Variants in ZNF83 observed in about 807,000 individuals in gnomAD.
The protein encoded by ZNF83 is zinc finger protein 816B.
For missense variants in ZNF83, 552 were observed against 629.9 expected, an observed-to-expected ratio of 0.88 and a Z score of 1.32; for synonymous variants, 209 against 213.0, an observed-to-expected ratio of 0.98 and a Z score of 0.17.
At chr19:52,650,116 G>A (rs1407005946) in intron 3 of ZNF83, among the ~76,000 whole-genome samples, 1 of 152,076 alleles carries the variant, frequency 6.6e-6, no homozygotes, top group Non-Finnish European at 1.5e-5. Flanking sequence ...AATGTCCTGA[G>A]TGGAGAAAGG....
chr19:52,667,638 G>C (rs979288802), intron 1 of ZNF83, among the ~76,000 whole-genome samples: 2 of 152,162 alleles, frequency 1.3e-5, no homozygotes, highest in Admixed American at 6.5e-5. Flanking sequence ...AGGAAATTCT[G>C]TGTGTAAACA....
chr19:52,641,570 GTTCTT>G (rs779778352), upstream of ZNF83, among the ~76,000 whole-genome samples: 5 of 152,062 alleles, frequency 3.3e-5, no homozygotes, highest in East Asian at 1.9e-4. Flanking sequence ...ATTACACTTA[GTTCTT>G]TTCTTTTCTT....
intron 1 of ZNF83, chr19:52,660,862 T>A (rs993082899): frequency 3.3e-5 from 5 of 153,536 alleles, no homozygotes; most frequent in Non-Finnish European, 5.8e-5. Flanking sequence ...GAAAAAAATA[T>A]GATATTTAAT....
At chr19:52,678,147 T>C (rs183123333) in intron 1 of ZNF83, among the ~76,000 whole-genome samples, 123 of 151,952 alleles carry the variant, frequency 8.1e-4, no homozygotes, top group African/African-American at 2.8e-3. Flanking sequence ...ACTAAAATGG[T>C]TGCATATGAA....
At chr19:52,614,302 A>G (rs1274894796) in exon 3 of ZNF83, 2 of 1,613,872 alleles carry the variant, frequency 1.2e-6, no homozygotes, top group South Asian at 1.1e-5. Context: ...TTCTGTCCCA[A>G]TATTTGCTTT....
chr19:52,672,652 T>G (rs2061742394), intron 1 of ZNF83, among the ~76,000 whole-genome samples: 1 of 152,182 alleles, frequency 6.6e-6, no homozygotes, highest in Admixed American at 6.5e-5. Flanking sequence ...TAGGCTGGGG[T>G]GCAATGGCAC....
intron 2 of ZNF83, among the ~76,000 whole-genome samples, chr19:52,627,634 G>C (rs2060793116): frequency 6.6e-6 from 1 of 152,128 alleles, no homozygotes; most frequent in Non-Finnish European, 1.5e-5. Flanking sequence ...CTGAGCAAAA[G>C]AGCAAAACTC....
chr19:52,666,838 G>A (rs1239857928), intron 1 of ZNF83, among the ~76,000 whole-genome samples: 2 of 152,170 alleles, frequency 1.3e-5, no homozygotes, highest in African/African-American at 4.8e-5. Context: ...ACTATACAGG[G>A]TTTCTCCCAG....
At chr19:52,657,705 G>C (rs1466720067) in intron 2 of ZNF83, among the ~76,000 whole-genome samples, 2 of 152,048 alleles carry the variant, frequency 1.3e-5, no homozygotes, top group East Asian at 1.9e-4. Context: ...AAATTAGCCA[G>C]ATGTGGTGGT....
Position 52,654,302 on chromosome 19 carries a change from T to C in ZNF83, c.-74+1259A>G, listed in dbSNP as rs2061479454. 31 of 1,512,192 alleles carry C rather than the reference T, an allele frequency of 2.1e-5. No individual in the cohort carries two copies. In the South Asian group the frequency reaches 3.3e-4, roughly 16 times the overall value. 93.7% of individuals were successfully genotyped at this position (1,512,192 alleles called of 1,614,324 possible). A position where few individuals can be genotyped will look rare whatever the true frequency, so the allele number is the denominator to read the frequency against. On this transcript the variant is annotated intron_variant, in intron 3 of 5. Coordinates refer to the ZNF83 transcript ENST00000594682. ...ATTTCTGGGAAGCAAAAATCTCCAA[T>C]GTGATGACTTTTATGTCTTTGCAAT...
At chr19:52,638,390 C>CTGGGCGGGGCCCGCGCGG (rs2061227368), upstream of ZNF83, 1 of 149,060 alleles carries the variant, frequency 6.7e-6, no homozygotes, top group African/African-American at 2.5e-5. Flanking sequence ...GAAGCCAGGT[C>CTGGGCGGGGCCCGCGCGG]TGGGCGGGGC....
chr19:52,687,305 T>C (rs1000858073), intron 1 of ZNF83, among the ~76,000 whole-genome samples: 1 of 142,702 alleles, frequency 7.0e-6, no homozygotes, highest in Non-Finnish European at 1.5e-5. Context: ...GCTTGGGAAT[T>C]TAAAACCCCG....
At position 52,659,128 on chromosome 19, in the gene ZNF83, T is replaced by G. The variant is rs1055661006; in HGVS notation, c.-201+1634A>C. ...ATGCCCTCTTGTGAGGAGCAATACC[T>G]CAGTTGATGTCCTGTGTGAGGAAAG... On this transcript the variant is annotated intron_variant, in intron 2 of 5. Transcript: ENST00000594682. Among the ~76,000 whole-genome samples, 14 of 152,092 alleles carry G rather than the reference T, an allele frequency of 9.2e-5. 3 individuals carry two copies. Among genetic ancestry groups the G allele is most frequent in the East Asian group, 3.9e-4 (2 of 5,162 alleles).
intron 1 of ZNF83, chr19:52,636,168 C>T (rs550882111): frequency 2.0e-5 from 3 of 151,698 alleles, no homozygotes; most frequent in African/African-American, 7.3e-5. Flanking sequence ...GAAAACTAGC[C>T]GGGCTTCTTG....
At chr19:52,656,631 G>T (rs564353820) in intron 2 of ZNF83, among the ~76,000 whole-genome samples, 1 of 152,270 alleles carries the variant, frequency 6.6e-6, no homozygotes, top group Non-Finnish European at 1.5e-5. Flanking sequence ...ACTTATGGAG[G>T]CTGAGGCATG....
upstream of ZNF83, among the ~76,000 whole-genome samples, chr19:52,642,749 ATGTCTGTG>A (rs1379339882): frequency 6.6e-6 from 1 of 152,140 alleles, no homozygotes; most frequent in Non-Finnish European, 1.5e-5. Context: ...TTAGTGGTGC[ATGTCTGTG>A]TGTCTGTGGT....
At chr19:52,643,384 G>T (rs12971911), upstream of ZNF83, among the ~76,000 whole-genome samples, 16,015 of 148,572 alleles carry the variant, frequency 0.11, 991 homozygotes, top group African/African-American at 0.15. Flanking sequence ...AGGCATTAAC[G>T]ATGTGAGTGA....
At chr19:52,627,539 G>A (rs1600177714) in intron 2 of ZNF83, among the ~76,000 whole-genome samples, 2 of 152,240 alleles carry the variant, frequency 1.3e-5, no homozygotes, top group East Asian at 3.9e-4. Flanking sequence ...GCAGGCACCT[G>A]TAATCCCAGC....
At chr19:52,677,555 G>A (rs1232419424) in intron 1 of ZNF83, among the ~76,000 whole-genome samples, 20 of 151,846 alleles carry the variant, frequency 1.3e-4, no homozygotes, top group Middle Eastern at 6.8e-3. Context: ...GCAGTTTTAC[G>A]TCTCTTAAAT....
Sources: allele counts gnomAD v4.1 joint callset (sites outside exome capture counted in the v4.1 genomes callset), GRCh38; gene constraint gnomAD v4.1.1; transcripts MANE v1.5; gene names NCBI Gene and HGNC (gene_info 2026-07-23, HGNC 2026-07-21).